The following ZRANB3 variants were observed in gnomAD, a reference collection of about 807,000 sequenced individuals.
ZRANB3 encodes the protein DNA annealing helicase and endonuclease ZRANB3.
Under a neutral mutation model 133.8 loss-of-function variants are expected in ZRANB3, and 125 were observed. That is an observed-to-expected ratio of 0.93 (90% confidence interval 0.81 to 1.08). The LOEUF (loss-of-function observed/expected upper bound fraction) is 1.08. ZRANB3 is among the 50% of genes least tolerant of loss of function. The pLI, the probability that ZRANB3 is intolerant of heterozygous loss-of-function variation, is 0.00. For missense variants in ZRANB3, 1,229 were observed against 1,275.5 expected, an observed-to-expected ratio of 0.96 and a Z score of 0.56; for synonymous variants, 387 against 432.7, an observed-to-expected ratio of 0.89 and a Z score of 1.31.
chr2:135,231,594 T>TACAAAAAAAC (rs1442804208), intron 12 of ZRANB3, among the ~76,000 whole-genome samples: 1 of 151,828 alleles, frequency 6.6e-6, no homozygotes, highest in Non-Finnish European at 1.5e-5. Flanking sequence ...ACCCCGTCAC[T>TACAAAAAAAC]ACAAAAAAAC....
chr2:135,408,196 T>G (rs534272601), intron 2 of ZRANB3, among the ~76,000 whole-genome samples: 10,354 of 151,822 alleles, frequency 0.068, 734 homozygotes, highest in African/African-American at 0.18. Flanking sequence ...AAAGAAGACG[T>G]TTATGCAGCC....
chr2:135,269,085 A>T lies in ZRANB3; in HGVS notation c.1263T>A (p.Pro421=). The T allele has an allele frequency of 6.2e-7, 1 of 1,613,038 alleles. No individual in the cohort carries two copies. ...GGTCTTCTGCTTGTTTTATATGTCC[A>T]GGGTCCCAGTACAACTCAGCAAATA... ...HVVFAELYWD[P]GHIKQAEDRA... Residue 421 remains proline, a synonymous_variant, in exon 11 of 21, where the codon CCT becomes CCA. Coordinates refer to ENST00000264159, the MANE Select transcript of ZRANB3 (RefSeq NM_032143.4).
intron 2 of ZRANB3, among the ~76,000 whole-genome samples, chr2:135,405,927 A>C (rs1481820788): frequency 6.6e-6 from 1 of 152,240 alleles, no homozygotes; most frequent in African/African-American, 2.4e-5. Flanking sequence ...AAGCAAGAGC[A>C]AACACATTCC....
At chr2:135,476,223 T>C (rs930176024) in intron 2 of ZRANB3, among the ~76,000 whole-genome samples, 15 of 152,176 alleles carry the variant, frequency 9.9e-5, no homozygotes, top group African/African-American at 3.1e-4. Flanking sequence ...TTGAAATAAG[T>C]GGGGACATTT....
At chr2:135,284,931 T>C (rs528851203) in intron 8 of ZRANB3, among the ~76,000 whole-genome samples, 1 of 151,264 alleles carries the variant, frequency 6.6e-6, no homozygotes, top group East Asian at 2.0e-4. Context: ...CTGCAATCTC[T>C]GCCTCCTGGG....
chr2:135,415,946 T>C (rs1403484154), intron 2 of ZRANB3, among the ~76,000 whole-genome samples: 7 of 152,002 alleles, frequency 4.6e-5, no homozygotes, highest in Non-Finnish European at 8.8e-5. Context: ...TAGGTATTGA[T>C]GGGACGTATC....
intron 3 of ZRANB3, among the ~76,000 whole-genome samples, chr2:135,384,888 T>C (rs1251098383): frequency 6.6e-6 from 1 of 152,168 alleles, no homozygotes; most frequent in African/African-American, 2.4e-5. Flanking sequence ...GCCAATATCA[T>C]ACTGAATGGG....
intron 12 of ZRANB3, among the ~76,000 whole-genome samples, chr2:135,263,028 C>A (rs1030222506): frequency 6.6e-6 from 1 of 151,980 alleles, no homozygotes; most frequent in African/African-American, 2.4e-5. Flanking sequence ...TATTGTACTT[C>A]TGATCTTTTT....
chr2:135,465,419 C>A (rs575708914), intron 2 of ZRANB3, among the ~76,000 whole-genome samples: 2 of 152,200 alleles, frequency 1.3e-5, no homozygotes, highest in Admixed American at 1.3e-4. Context: ...TCCCCCTTAA[C>A]TGATGGTTAC....
chr2:135,351,975 C>T (rs997898281), intron 4 of ZRANB3, among the ~76,000 whole-genome samples: 2 of 152,060 alleles, frequency 1.3e-5, no homozygotes, highest in Admixed American at 1.3e-4. Context: ...AAACTAGATG[C>T]CCTAGTGGCT....
chr2:135,410,976 T>A (rs891391052), intron 2 of ZRANB3, among the ~76,000 whole-genome samples: 18 of 152,214 alleles, frequency 1.2e-4, no homozygotes, highest in Admixed American at 1.2e-3. Flanking sequence ...TGGTGGCTCA[T>A]GCCTGTAATC....
intron 9 of ZRANB3, among the ~76,000 whole-genome samples, chr2:135,274,597 T>C (rs1680692419): frequency 6.6e-6 from 1 of 152,106 alleles, no homozygotes; most frequent in Non-Finnish European, 1.5e-5. Flanking sequence ...TAGCAACCTT[T>C]TTTTAAATTT....
intron 2 of ZRANB3, among the ~76,000 whole-genome samples, chr2:135,423,129 T>C (rs1688931179): frequency 6.6e-6 from 1 of 152,188 alleles, no homozygotes; most frequent in Non-Finnish European, 1.5e-5. Flanking sequence ...CTTGTATTTT[T>C]CTGTGTTTAA....
chr2:135,441,611 A>G lies in ZRANB3; in HGVS notation c.162-50791T>C, dbSNP rs150662700. Among the ~76,000 whole-genome samples, 399 of 152,156 alleles carry G rather than the reference A, an allele frequency of 2.6e-3. 5 individuals carry two copies. The South Asian group carries it at 0.029, about 11-fold the overall frequency. On this transcript the variant is annotated intron_variant, in intron 2 of 20. Transcript: ENST00000264159. ...TTAAAATGAATAATTATAACACTAT[A>G]TTCTTACATATAATATATACTTGTA...
chr2:135,446,788 T>C (rs1463696503), intron 2 of ZRANB3, among the ~76,000 whole-genome samples: 1 of 152,168 alleles, frequency 6.6e-6, no homozygotes, highest in Non-Finnish European at 1.5e-5. Flanking sequence ...ATCAATAGAT[T>C]GTAGGTCCTG....
intron 12 of ZRANB3, among the ~76,000 whole-genome samples, chr2:135,232,849 C>A (rs1695097654): frequency 6.6e-6 from 1 of 152,134 alleles, no homozygotes; most frequent in Admixed American, 6.5e-5. Flanking sequence ...GGGGAAAAAA[C>A]AGAGCAGAAA....
chr2:135,495,436 C>T (rs1313178109), intron 2 of ZRANB3, among the ~76,000 whole-genome samples: 1 of 151,912 alleles, frequency 6.6e-6, no homozygotes, highest in Non-Finnish European at 1.5e-5. Context: ...CAGCCAGTTT[C>T]GCAGATTAAA....
chr2:135,460,281 A>ATTCATTC (rs1157793865), intron 2 of ZRANB3, among the ~76,000 whole-genome samples: 2 of 148,978 alleles, frequency 1.3e-5, no homozygotes, highest in Non-Finnish European at 1.5e-5. Flanking sequence ...TTTTTTTGAG[A>ATTCATTC]TGGAGTTTCA....
At chr2:135,520,186 C>T (rs919210511) in intron 1 of ZRANB3, among the ~76,000 whole-genome samples, 2 of 151,082 alleles carry the variant, frequency 1.3e-5, no homozygotes, top group Non-Finnish European at 2.9e-5. Context: ...GAGTTCAAGA[C>T]CAGCCTGGCA....
Sources: allele counts gnomAD v4.1 joint callset (sites outside exome capture counted in the v4.1 genomes callset), GRCh38; gene constraint gnomAD v4.1.1; transcripts MANE v1.5; gene names NCBI Gene and HGNC (gene_info 2026-07-23, HGNC 2026-07-21).